ATRNL1: variants seen among roughly 807,000 people sequenced by gnomAD.
The protein encoded by ATRNL1 is attractin like 1.
ATRNL1 carries 95 observed loss-of-function variants against 182.7 expected under a neutral mutation model. The observed-to-expected ratio is 0.52, with a 90% CI of 0.44 to 0.62. The LOEUF is 0.62. Among genes scored for constraint, ATRNL1 ranks in the 20% least tolerant of loss-of-function variants. The pLI is 0.00. For synonymous variants in ATRNL1, 576 were observed against 568.3 expected, an observed-to-expected ratio of 1.01 and a Z score of -0.19; for missense variants, 1,471 against 1,679.5, an observed-to-expected ratio of 0.88 and a Z score of 2.17.
At chr10:115,491,175 A>C (rs1486146960) in intron 24 of ATRNL1, among the ~76,000 whole-genome samples, 1 of 152,096 alleles carries the variant, frequency 6.6e-6, no homozygotes, top group Non-Finnish European at 1.5e-5. Context: ...GTCAGCCCCT[A>C]CTGCAAGGTG....
At chr10:115,609,500 T>G (rs1467348342) in intron 26 of ATRNL1, among the ~76,000 whole-genome samples, 2 of 152,182 alleles carry the variant, frequency 1.3e-5, no homozygotes, top group Non-Finnish European at 2.9e-5. Context: ...TAAATCTTTG[T>G]TTTTATGAAT....
intron 18 of ATRNL1, among the ~76,000 whole-genome samples, chr10:115,328,521 A>G (rs115595098): frequency 0.013 from 1,964 of 152,204 alleles, 37 homozygotes; most frequent in African/African-American, 0.044. Context: ...CTATTGCATC[A>G]TAGGTATTCC....
chr10:115,863,172 A>G (rs1287511479), intron 28 of ATRNL1, among the ~76,000 whole-genome samples: 1 of 152,170 alleles, frequency 6.6e-6, no homozygotes, highest in Non-Finnish European at 1.5e-5. Context: ...TCTGACCCTT[A>G]GAAAAAACCT....
At chr10:115,208,460 T>A (rs1341994998) in intron 8 of ATRNL1, among the ~76,000 whole-genome samples, 3 of 152,146 alleles carry the variant, frequency 2.0e-5, no homozygotes, top group African/African-American at 7.2e-5. Context: ...GGTGTTGGAC[T>A]TTGTGCTGAC....
chr10:115,890,220 G>A (rs1555110829), intron 28 of ATRNL1, among the ~76,000 whole-genome samples: 2 of 152,168 alleles, frequency 1.3e-5, no homozygotes, highest in African/African-American at 4.8e-5. Context: ...TGGACCGTTA[G>A]AGCACATGGG....
At chr10:115,905,435 G>T (rs1410834828) in intron 28 of ATRNL1, among the ~76,000 whole-genome samples, 1 of 147,776 alleles carries the variant, frequency 6.8e-6, no homozygotes, top group Non-Finnish European at 1.5e-5. Context: ...TTCCTATGTT[G>T]CCCAGGTTGG....
chr10:115,497,048 T>A (rs1849583020), intron 24 of ATRNL1, among the ~76,000 whole-genome samples: 1 of 152,178 alleles, frequency 6.6e-6, no homozygotes, highest in Admixed American at 6.5e-5. Flanking sequence ...TCAGAGGATT[T>A]GTTCATTTTT....
intron 19 of ATRNL1, among the ~76,000 whole-genome samples, chr10:115,370,087 A>G (rs539248829): frequency 2.0e-5 from 3 of 152,316 alleles, no homozygotes; most frequent in Non-Finnish European, 2.9e-5. Flanking sequence ...TTCCCTGCAC[A>G]AAATCTTTTA....
At chr10:115,429,230 TA>T (rs1565033599) in intron 21 of ATRNL1, among the ~76,000 whole-genome samples, 1 of 152,136 alleles carries the variant, frequency 6.6e-6, no homozygotes. Context: ...GTTTGATATA[TA>T]AAAATAAAAT....
In ATRNL1 at chr10:115,295,791, G is replaced by GTC. The variant is rs1284202773; in HGVS notation, c.2416-4242_2416-4241dup. ...GGTTTCCCTGCTGTGTAGGACCAGA[G>GTC]TCACAGCCAATCCTGGACCTAGGCT... On this transcript the variant is annotated intron_variant, in intron 15 of 28. Transcript: ENST00000355044. 2.0e-5 allele frequency among the ~76,000 whole-genome samples: 3 copies of GTC among 152,106 alleles called. No individual in the cohort carries two copies. The East Asian group carries it at 5.8e-4, about 29-fold the overall frequency.
chr10:115,661,259 G>T lies in ATRNL1; in HGVS notation c.3796-65989G>T, dbSNP rs138033368. On this transcript the variant is annotated intron_variant, in intron 26 of 28. Coordinates refer to ENST00000355044, the MANE Select transcript of ATRNL1 (RefSeq NM_207303.4). ...ATCCTACCTTCAAAAACTGTCAAAC[G>T]TATGTCCTTTAGGTATTTTATGCAT... is the stretch of plus-strand genomic sequence containing the variant. 2.1e-3 allele frequency among the ~76,000 whole-genome samples: 320 copies of T among 152,080 alleles called. 1 individual carries two copies. The highest frequency in any genetic ancestry group is 7.2e-3 in the African/African-American group (297 of 41,506).
intron 8 of ATRNL1, among the ~76,000 whole-genome samples, chr10:115,209,016 C>T (rs1461793100): frequency 6.6e-6 from 1 of 151,314 alleles, no homozygotes; most frequent in Admixed American, 6.6e-5. Flanking sequence ...ACTACGGAAG[C>T]AAAAACTACT....
At chr10:115,721,109 T>C (rs1241742470) in intron 26 of ATRNL1, among the ~76,000 whole-genome samples, 1 of 152,282 alleles carries the variant, frequency 6.6e-6, no homozygotes, top group African/African-American at 2.4e-5. Context: ...GTCTGTGATC[T>C]GCAGTTTGAG....
chr10:115,490,837 T>G (rs1010060226), intron 24 of ATRNL1, among the ~76,000 whole-genome samples: 33 of 152,194 alleles, frequency 2.2e-4, no homozygotes, highest in African/African-American at 7.0e-4. Flanking sequence ...TCAGCCTTTT[T>G]GGGCTGGTTT....
intron 28 of ATRNL1, among the ~76,000 whole-genome samples, chr10:115,913,287 CTG>C (rs1952741689): frequency 6.6e-6 from 1 of 152,162 alleles, no homozygotes; most frequent in Non-Finnish European, 1.5e-5. Flanking sequence ...CAACACAGTC[CTG>C]AGTCCTTTGA....
chr10:115,853,777 A>C (rs1951110375), intron 28 of ATRNL1, among the ~76,000 whole-genome samples: 1 of 152,224 alleles, frequency 6.6e-6, no homozygotes, highest in Admixed American at 6.5e-5. Flanking sequence ...AAGAAAGAAA[A>C]AGTGGCATTC....
intron 22 of ATRNL1, among the ~76,000 whole-genome samples, chr10:115,464,361 G>A (rs997194384): frequency 4.0e-5 from 6 of 151,634 alleles, no homozygotes; most frequent in Non-Finnish European, 7.4e-5. Context: ...ATTTTAACTC[G>A]CTATCCATCA....
intron 26 of ATRNL1, among the ~76,000 whole-genome samples, chr10:115,691,223 A>G (rs1216786437): frequency 2.0e-5 from 3 of 152,134 alleles, no homozygotes; most frequent in African/African-American, 7.2e-5. Context: ...TGCCTGTACC[A>G]ATTTACATTC....
chr10:115,462,093 A>G, intron 22 of ATRNL1, 58 bp downstream of exon 22: 1 of 1,225,670 alleles, frequency 8.2e-7, no homozygotes. Context: ...TTTTTTTCAT[A>G]TTTCATTTGA....
Sources: allele counts gnomAD v4.1 joint callset (sites outside exome capture counted in the v4.1 genomes callset), GRCh38; gene constraint gnomAD v4.1.1; transcripts MANE v1.5; gene names NCBI Gene and HGNC (gene_info 2026-07-23, HGNC 2026-07-21).